Variants in FOXN3 observed in about 807,000 individuals in gnomAD.
The protein encoded by FOXN3 is forkhead box N3.
FOXN3 carries 7 observed loss-of-function variants against 38.4 expected under a neutral mutation model. The observed-to-expected ratio is 0.18, with a 90% CI of 0.10 to 0.34. The LOEUF is 0.34. Among genes scored for constraint, FOXN3 ranks in the 10% least tolerant of loss-of-function variants. FOXN3 has a pLI of 1.00. For synonymous variants in FOXN3, 230 were observed against 242.2 expected (o/e 0.95, Z 0.47); for missense variants, 456 against 613.4 (o/e 0.74, Z 2.71).
At chr14:89,382,113 T>C (rs1417642196) in intron 2 of FOXN3, among the ~76,000 whole-genome samples, 3 of 152,082 alleles carry the variant, frequency 2.0e-5, no homozygotes, top group Non-Finnish European at 4.4e-5. Context: ...CCCTCGCCTC[T>C]AAGCAGACTT....
chr14:89,181,369 G>C (rs929677011), intron 4 of FOXN3, among the ~76,000 whole-genome samples: 1 of 152,116 alleles, frequency 6.6e-6, no homozygotes, highest in Non-Finnish European at 1.5e-5. Context: ...CTTTGCCATG[G>C]GCAGAAGCTC....
intron 1 of FOXN3, among the ~76,000 whole-genome samples, chr14:89,446,949 C>A (rs189885593): frequency 6.6e-4 from 100 of 152,318 alleles, no homozygotes; most frequent in Admixed American, 2.6e-3. Flanking sequence ...GTAATTCCAG[C>A]ACTTTGGGAG....
At chr14:89,383,683 C>T (rs1890719512) in intron 2 of FOXN3, among the ~76,000 whole-genome samples, 1 of 152,244 alleles carries the variant, frequency 6.6e-6, no homozygotes, top group African/African-American at 2.4e-5. Flanking sequence ...TTCCTCTCCT[C>T]TCCTCTCCTC....
chr14:89,242,189 G>A (rs994266717), intron 4 of FOXN3, among the ~76,000 whole-genome samples: 7 of 152,124 alleles, frequency 4.6e-5, no homozygotes, highest in Admixed American at 1.3e-4. Flanking sequence ...GAGAAGGTAC[G>A]AGTGGTGCCC....
intron 1 of FOXN3, among the ~76,000 whole-genome samples, chr14:89,497,125 T>C (rs983946204): frequency 5.9e-5 from 9 of 152,048 alleles, no homozygotes; most frequent in African/African-American, 1.9e-4. Context: ...TAGCTAATTT[T>C]TGTATTTTTT....
intron 1 of FOXN3, among the ~76,000 whole-genome samples, chr14:89,481,276 G>A (rs1027617538): frequency 7.2e-5 from 11 of 152,142 alleles, no homozygotes; most frequent in Admixed American, 2.0e-4. Context: ...GCAGCGCCCA[G>A]TTTTAAAACA....
chr14:89,429,651 A>G (rs1027440674), intron 1 of FOXN3, among the ~76,000 whole-genome samples: 1 of 152,178 alleles, frequency 6.6e-6, no homozygotes, highest in Non-Finnish European at 1.5e-5. Context: ...ATTCAACGAA[A>G]TACAAAAGCC....
At chr14:89,388,951 T>A (rs1047728210) in intron 2 of FOXN3, among the ~76,000 whole-genome samples, 37 of 151,614 alleles carry the variant, frequency 2.4e-4, no homozygotes, top group Middle Eastern at 3.2e-3. Context: ...AAAACCAAAG[T>A]CGGGTGATCC....
intron 1 of FOXN3, among the ~76,000 whole-genome samples, chr14:89,535,629 T>C (rs866438603): frequency 3.3e-5 from 5 of 152,202 alleles, no homozygotes; most frequent in Non-Finnish European, 2.9e-5. Flanking sequence ...TCTAGAATAT[T>C]TTCCAGACTG....
intron 4 of FOXN3, among the ~76,000 whole-genome samples, chr14:89,211,498 C>T (rs1477496587): frequency 6.6e-6 from 1 of 152,144 alleles, no homozygotes; most frequent in African/African-American, 2.4e-5. Flanking sequence ...AGCAAAGAGT[C>T]GCTTATACTG....
At chr14:89,488,567 C>T (rs1893501192) in intron 1 of FOXN3, among the ~76,000 whole-genome samples, 1 of 149,872 alleles carries the variant, frequency 6.7e-6, no homozygotes, top group Non-Finnish European at 1.5e-5. Context: ...GAGGGAGGAG[C>T]ATCTGAACTT....
chr14:89,215,542 G>A (rs150713987), intron 4 of FOXN3, among the ~76,000 whole-genome samples: 46 of 152,214 alleles, frequency 3.0e-4, no homozygotes, highest in African/African-American at 9.4e-4. Flanking sequence ...AAATGCATCC[G>A]ACCACATTGA....
chr14:89,342,900 G>T (rs544912858), intron 3 of FOXN3, among the ~76,000 whole-genome samples: 1 of 152,064 alleles, frequency 6.6e-6, no homozygotes, highest in Non-Finnish European at 1.5e-5. Context: ...AAACTATTTC[G>T]GGTTTCCATC....
intron 1 of FOXN3, among the ~76,000 whole-genome samples, chr14:89,527,815 C>A (rs1430969005): frequency 6.6e-6 from 1 of 151,836 alleles, no homozygotes; most frequent in Non-Finnish European, 1.5e-5. Context: ...AATTCTCCTG[C>A]CTCAGTCTCC....
intron 2 of FOXN3, among the ~76,000 whole-genome samples, chr14:89,354,232 G>T (rs1255291038): frequency 4.1e-5 from 6 of 147,930 alleles, no homozygotes; most frequent in Non-Finnish European, 7.5e-5. Flanking sequence ...GGTTTTTTTT[G>T]TTTGTTTTTT....
intron 1 of FOXN3, among the ~76,000 whole-genome samples, chr14:89,425,063 T>TTTTC (rs1491182998): frequency 1.2e-4 from 1 of 8,394 alleles, no homozygotes; most frequent in Non-Finnish European, 3.8e-4. Flanking sequence ...TTTTCTTTTC[T>TTTTC]TTTTTTTTTT....
intron 5 of FOXN3, among the ~76,000 whole-genome samples, chr14:89,176,085 G>A (rs1226158658): frequency 6.6e-6 from 1 of 152,208 alleles, no homozygotes; most frequent in Non-Finnish European, 1.5e-5. Context: ...GATGTGTCTT[G>A]AGGACTTGAC....
At chr14:89,280,683 C>T (rs570461553) in intron 4 of FOXN3, among the ~76,000 whole-genome samples, 143 of 152,178 alleles carry the variant, frequency 9.4e-4, no homozygotes, top group African/African-American at 3.2e-3. Context: ...CCGAACACTT[C>T]CAGAATATGA....
intron 1 of FOXN3, among the ~76,000 whole-genome samples, chr14:89,595,023 A>T (rs1896030154): frequency 6.6e-6 from 1 of 152,160 alleles, no homozygotes; most frequent in Admixed American, 6.5e-5. Context: ...TCTTTTAAAA[A>T]GTAAGTCTTC....
Sources: gnomAD v4.1 joint callset for allele counts (sites outside exome capture counted in the v4.1 genomes callset) on GRCh38, gnomAD v4.1.1 for gene constraint, MANE v1.5 for transcripts, NCBI Gene and HGNC (gene_info 2026-07-23, HGNC 2026-07-21) for gene names.